CRISPLD2: variants seen among roughly 807,000 people sequenced by gnomAD.
CRISPLD2 encodes the protein cysteine-rich secretory protein LCCL domain-containing 2.
In CRISPLD2, 47 loss-of-function variants were observed where a neutral mutation model predicts 71.1. The observed-to-expected ratio is 0.66, with a 90% CI of 0.52 to 0.84. The LOEUF is 0.84. Ranked by LOEUF, CRISPLD2 falls within the 40% of genes least tolerant of loss-of-function variation. CRISPLD2 has a pLI of 0.00. For synonymous variants in CRISPLD2, 317 were observed against 250.1 expected, an observed-to-expected ratio of 1.27 and a Z score of -2.52; for missense variants, 830 against 651.1, an observed-to-expected ratio of 1.27 and a Z score of -2.99.
intron 12 of CRISPLD2, among the ~76,000 whole-genome samples, chr16:84,878,837 G>A (rs1437760184): frequency 6.6e-6 from 1 of 152,242 alleles, no homozygotes; most frequent in Non-Finnish European, 1.5e-5. Flanking sequence ...GTAATGCTAA[G>A]CTGCCCTTCA....
intron 14 of CRISPLD2, among the ~76,000 whole-genome samples, chr16:84,898,200 C>G (rs1439033594): frequency 6.6e-6 from 1 of 152,202 alleles, no homozygotes; most frequent in Non-Finnish European, 1.5e-5. Flanking sequence ...CCAGAACAGC[C>G]ACAGCCACCA....
rs762039143 is a variant in CRISPLD2, at chr16:84,880,497, C to A, written c.1230-12C>A. 6.2e-6 allele frequency: 10 copies of A among 1,608,852 alleles called. No homozygotes were observed. In the East Asian group the frequency reaches 2.2e-4, roughly 36 times the overall value. On this transcript the variant is annotated splice_polypyrimidine_tract_variant and intron_variant, in intron 12 of 14. Transcript: ENST00000262424. The stretch of plus-strand genomic sequence containing the variant: ...GCTCAGACCCATCACATAAATGCTT[C>A]CTGTTTTTCAGAATCCATTGTCCGG...
At chr16:84,825,273 G>A (rs1916323659) in intron 1 of CRISPLD2, among the ~76,000 whole-genome samples, 1 of 149,328 alleles carries the variant, frequency 6.7e-6, no homozygotes, top group South Asian at 2.1e-4. Flanking sequence ...CTCAGAGTGG[G>A]GGCCAGCAGC....
chr16:84,851,050 A>T (rs910005906), intron 5 of CRISPLD2, among the ~76,000 whole-genome samples: 5 of 152,240 alleles, frequency 3.3e-5, no homozygotes, highest in African/African-American at 1.2e-4. Context: ...TGAGGGGGAA[A>T]AAGATTGCCC....
At chr16:84,891,707 G>C (rs1454219682) in intron 14 of CRISPLD2, among the ~76,000 whole-genome samples, 1 of 152,216 alleles carries the variant, frequency 6.6e-6, no homozygotes, top group Non-Finnish European at 1.5e-5. Context: ...CATCACAGCA[G>C]TGCCCTGTGG....
chr16:84,856,837 CT>C (rs1597461427), intron 6 of CRISPLD2, among the ~76,000 whole-genome samples: 1 of 152,196 alleles, frequency 6.6e-6, no homozygotes, highest in South Asian at 2.1e-4. Flanking sequence ...CACTGCCACA[CT>C]TTTTTAGCCA....
chr16:84,880,668 A>C, intron 13 of CRISPLD2, 84 bp downstream of exon 13: 1 of 964,414 alleles, frequency 1.0e-6, no homozygotes, highest in Non-Finnish European at 1.6e-6. Context: ...GGATACTTGA[A>C]ACTTTATTCC....
chr16:84,839,356 T>G (rs1353827209), intron 2 of CRISPLD2: 3 of 233,188 alleles, frequency 1.3e-5, no homozygotes, highest in African/African-American at 6.9e-5. Flanking sequence ...TTGCTGATGC[T>G]GATCTCAGCT....
intron 14 of CRISPLD2, among the ~76,000 whole-genome samples, chr16:84,901,791 T>TC (rs201274437): frequency 0.072 from 9,393 of 129,902 alleles, 424 homozygotes; most frequent in Middle Eastern, 0.14. Context: ...GTTGCACTTT[T>TC]TTTTTTTTTT....
At chr16:84,845,021 A>ATAAT (rs1916874432) in intron 2 of CRISPLD2, among the ~76,000 whole-genome samples, 1 of 152,160 alleles carries the variant, frequency 6.6e-6, no homozygotes, top group South Asian at 2.1e-4. Context: ...CGCCACCCGG[A>ATAAT]TAATTGATTT....
At chr16:84,853,847 C>T (rs992300276) in intron 5 of CRISPLD2, among the ~76,000 whole-genome samples, 1 of 152,220 alleles carries the variant, frequency 6.6e-6, no homozygotes. Flanking sequence ...AAAGGGAGAC[C>T]GAGGCTGGGG....
Position 84,841,620 on chromosome 16 carries a change from G to C in CRISPLD2, c.240+2885G>C, listed in dbSNP as rs186397834. On this transcript the variant is annotated intron_variant, in intron 2 of 14. Transcript: ENST00000262424. The stretch of plus-strand genomic sequence containing the variant: ...TGAAGCACTTTTTTTTTTTGAGACA[G>C]AGTCTCGCTCTGTCCCCCAGGCTGG... Among the ~76,000 whole-genome samples the C allele has an allele frequency of 1.2e-3, 179 of 151,592 alleles. No homozygotes were observed. The Middle Eastern group carries it at 0.027, about 23-fold the overall frequency.
chr16:84,905,028 C>T (rs1287128626), intron 14 of CRISPLD2, among the ~76,000 whole-genome samples: 4 of 152,150 alleles, frequency 2.6e-5, no homozygotes, highest in African/African-American at 9.7e-5. Flanking sequence ...CACCCATAAT[C>T]CCAGCACTTT....
At chr16:84,828,219 G>T (rs969283372) in intron 1 of CRISPLD2, 3 of 152,208 alleles carry the variant, frequency 2.0e-5, no homozygotes, top group Non-Finnish European at 4.4e-5. Flanking sequence ...CTGGAGCCCA[G>T]CACAGAGATG....
chr16:84,876,228 G>A (rs534136650), intron 11 of CRISPLD2, among the ~76,000 whole-genome samples: 12 of 152,324 alleles, frequency 7.9e-5, no homozygotes, highest in Non-Finnish European at 5.9e-5. Flanking sequence ...CTGGCCGGGC[G>A]CGGTGGCTCA....
intron 6 of CRISPLD2, among the ~76,000 whole-genome samples, chr16:84,864,125 C>T (rs1051647195): frequency 1.3e-5 from 2 of 152,168 alleles, no homozygotes; most frequent in Non-Finnish European, 2.9e-5. Context: ...TGCAGAGTGA[C>T]ATAAACAATG....
At chr16:84,890,087 G>T (rs2071648159) in intron 14 of CRISPLD2, among the ~76,000 whole-genome samples, 1 of 152,144 alleles carries the variant, frequency 6.6e-6, no homozygotes, top group African/African-American at 2.4e-5. Context: ...GGCTGGGCGT[G>T]GTGGCTCACG....
intron 6 of CRISPLD2, among the ~76,000 whole-genome samples, chr16:84,866,329 C>G (rs774190): frequency 0.67 from 102,154 of 151,412 alleles, 34,841 homozygotes; most frequent in East Asian, 0.83. Context: ...CACCTACCGG[C>G]TTCAAGCGAT....
chr16:84,837,541 C>A (rs960903181), intron 1 of CRISPLD2, among the ~76,000 whole-genome samples: 1 of 152,036 alleles, frequency 6.6e-6, no homozygotes, highest in Non-Finnish European at 1.5e-5. Context: ...CTCAGCCTCC[C>A]AAGTAGCTGG....
Sources: gnomAD v4.1 joint callset for allele counts (sites outside exome capture counted in the v4.1 genomes callset) on GRCh38, gnomAD v4.1.1 for gene constraint, MANE v1.5 for transcripts, NCBI Gene and HGNC (gene_info 2026-07-23, HGNC 2026-07-21) for gene names.